The following TMEM63B variants were observed in gnomAD, a reference collection of about 807,000 sequenced individuals.
TMEM63B encodes mechanosensitive cation channel TMEM63B.
In TMEM63B, 23 loss-of-function variants were observed where a neutral mutation model predicts 102.6. The ratio of observed to expected loss-of-function variants is 0.22; its 90% CI spans 0.16 to 0.32. TMEM63B has a LOEUF of 0.32. TMEM63B is among the 10% of genes least tolerant of loss of function. The pLI is 1.00. For synonymous variants in TMEM63B, 444 were observed against 437.0 expected (o/e 1.02, Z -0.20); for missense variants, 628 against 1,095.9 (o/e 0.57, Z 6.03).
chr6:44,135,704 C>T (rs889028366), intron 4 of TMEM63B, among the ~76,000 whole-genome samples: 1 of 152,194 alleles, frequency 6.6e-6, no homozygotes, highest in African/African-American at 2.4e-5. Flanking sequence ...TTGGGTGTCA[C>T]CAGCAGCTTC....
At chr6:44,130,163 C>T (rs1234289037) in intron 1 of TMEM63B, among the ~76,000 whole-genome samples, 5 of 152,192 alleles carry the variant, frequency 3.3e-5, no homozygotes, top group Non-Finnish European at 5.9e-5. Context: ...GGAAGTGGCT[C>T]TTGTTTGCAG....
In TMEM63B at chr6:44,150,512, G is replaced by C; in HGVS notation, c.1608-52G>C. 6.2e-7 allele frequency: 1 copy of C among 1,600,260 alleles called. No individual in the cohort carries two copies. Among genetic ancestry groups the C allele is most frequent in the East Asian group, 2.2e-5 (1 of 44,780 alleles). On this transcript the variant is annotated intron_variant, in intron 17 of 23. Coordinates refer to ENST00000323267, the MANE Select transcript of TMEM63B (RefSeq NM_018426.3). This position sits in a 1 kb window ranked among gnomAD's most constrained non-coding sequence, Gnocchi z 4.7. ...CAGAGGAGGGACTTCCCCTCCCCTG[G>C]TGTTCTGTACCACTCCAGCTCCCAC...
chr6:44,135,020 C>G lies in TMEM63B; in HGVS notation c.163C>G (p.Leu55Val). The change falls in exon 3 of 24, where the codon CTG becomes GTG. Residue 55 changes from leucine to valine, a missense_variant. This residue lies in a region of TMEM63B where 336 missense variants were observed against 580.3 expected (regional missense o/e 0.58). Coordinates refer to ENST00000323267, the MANE Select transcript of TMEM63B (RefSeq NM_018426.3). ...LALDFMCFLA[L>V]LFLFSILRKV... Reference sequence around the variant, plus strand: ...CAACTGCCCCCTCTTCCCTCAGGCACTGCTGTTCTTATTCTCTATCCTCCG... The same window carrying G: ...CAACTGCCCCCTCTTCCCTCAGGCAGTGCTGTTCTTATTCTCTATCCTCCG... 6.2e-7 allele frequency: 1 copy of G among 1,614,250 alleles called. No individual in the cohort carries two copies. Among genetic ancestry groups the G allele is most frequent in the Non-Finnish European group, 8.5e-7 (1 of 1,180,040 alleles).
In TMEM63B at chr6:44,139,540, C is replaced by T. The variant is rs764059807; in HGVS notation, c.481C>T (p.Leu161=). 8 of 1,614,234 alleles carry T rather than the reference C, an allele frequency of 5.0e-6. No individual in the cohort carries two copies. The highest frequency in any genetic ancestry group is 2.5e-6 in the Non-Finnish European group (3 of 1,180,048). ...GTCCTTTCAGCGGCACATCATCGGGCTGCTGGTGGTTGTGGGCGTCCTCTC... is the reference window on the plus strand; with the variant it reads ...GTCCTTTCAGCGGCACATCATCGGGTTGCTGGTGGTTGTGGGCGTCCTCTC... The part of the protein sequence containing the change: ...YLSFQRHIIG[L]LVVVGVLSVG... Residue 161 remains leucine (L), a synonymous_variant, in exon 7 of 24, where the codon CTG becomes TTG. Transcript: ENST00000323267.
Position 44,147,416 on chromosome 6 carries a change from C to G in TMEM63B, c.903C>G (p.Leu301=). 1 of 1,614,180 alleles carries G rather than the reference C, an allele frequency of 6.2e-7. No individual in the cohort carries two copies. The highest frequency in any genetic ancestry group is 2.2e-5 in the East Asian group (1 of 44,884). The stretch of plus-strand genomic sequence containing the variant: ...GGGGAAAGCTGTACTTCACAAACCT[C>G]CAGAGCAAGGAGAACGTGCCTACCA... ...AERGKLYFTN[L]QSKENVPTMI... is the part of the protein sequence containing the mutation. Residue 301 remains leucine, a synonymous_variant, in exon 12 of 24, where the codon CTC becomes CTG. Transcript: ENST00000323267.
At chr6:44,147,176 T>C (rs1315927729) in intron 11 of TMEM63B, among the ~76,000 whole-genome samples, 1 of 152,078 alleles carries the variant, frequency 6.6e-6, no homozygotes, top group Admixed American at 6.6e-5. Context: ...GGCTACAGTA[T>C]GAGAAATTTA....
intron 20 of TMEM63B, among the ~76,000 whole-genome samples, chr6:44,153,343 G>A (rs995845769): frequency 3.3e-5 from 5 of 152,168 alleles, no homozygotes; most frequent in African/African-American, 1.2e-4. Context: ...TCAGCCTCTG[G>A]GGAAATAGAA....
Position 44,150,309 on chromosome 6 carries a change from A to T in TMEM63B, c.1606A>T (p.Ser536Cys), listed in dbSNP as rs1449091333. The T allele has an allele frequency of 6.2e-7, 1 of 1,613,826 alleles. No homozygotes were observed. The highest frequency in any genetic ancestry group is 1.3e-5 in the African/African-American group (1 of 74,918). ...VLLLPSLGLSSLDLFFRWLFD... is the reference protein window; with the variant it reads ...VLLLPSLGLSCLDLFFRWLFD... The stretch of plus-strand genomic sequence containing the variant: ...GCTCCTACCCTCGCTGGGACTGAGC[A>T]GGTGAGTTGAGAAGGATGGGGCAGG... Residue 536 changes from serine to cysteine, a missense_variant and splice_region_variant, in exon 17 of 24, where the codon AGC becomes TGC. This residue lies in a region of TMEM63B where 61 missense variants were observed against 176.0 expected (regional missense o/e 0.35). Coordinates refer to ENST00000323267, the MANE Select transcript of TMEM63B (RefSeq NM_018426.3). The surrounding 1 kb of genome is among the most constrained non-coding windows in gnomAD (Gnocchi z 4.7).
chr6:44,147,064 G>A, intron 11 of TMEM63B, 137 bp downstream of exon 11: 1 of 1,021,554 alleles, frequency 9.8e-7, no homozygotes. Context: ...TGGTGTGCCT[G>A]TTAATTCAGC....
In TMEM63B at chr6:44,152,837, C is replaced by T. The variant is rs1382089447; in HGVS notation, c.1942+139C>T. The T allele has an allele frequency of 1.9e-5, 13 of 685,940 alleles. No homozygotes were observed. Among genetic ancestry groups the T allele is most frequent in the Non-Finnish European group, 3.0e-5 (12 of 404,582 alleles). 42.5% of individuals were successfully genotyped at this position (685,940 alleles called of 1,614,324 possible). The stretch of plus-strand genomic sequence containing the variant: ...GCCCCTCGGGGCTCCCGCCCGGTCC[C>T]TGGCTCAGTCTGGGGCCTGGCCTGT... On this transcript the variant is annotated intron_variant, in intron 20 of 23. Coordinates refer to ENST00000323267, the MANE Select transcript of TMEM63B (RefSeq NM_018426.3). This position sits in a 1 kb window ranked among gnomAD's most constrained non-coding sequence, Gnocchi z 6.4.
chr6:44,154,588 G>A (rs548745572), intron 23 of TMEM63B, 104 bp from the exon 24 acceptor site: 168 of 1,440,212 alleles, frequency 1.2e-4, no homozygotes, highest in Admixed American at 4.6e-4. Context: ...GGCTGCCCCC[G>A]CCCCCCAGGG....
At position 44,150,965 on chromosome 6, in the gene TMEM63B, G is replaced by A. The variant is rs537432506; in HGVS notation, c.1673+336G>A. 1.2e-4 allele frequency among the ~76,000 whole-genome samples: 18 copies of A among 152,242 alleles called. No individual in the cohort carries two copies. The highest frequency in any genetic ancestry group is 3.6e-4 in the African/African-American group (15 of 41,536). On this transcript the variant is annotated intron_variant, in intron 18 of 23. Coordinates refer to ENST00000323267, the MANE Select transcript of TMEM63B (RefSeq NM_018426.3). The surrounding 1 kb of genome is among the most constrained non-coding windows in gnomAD (Gnocchi z 4.7). ...CCATATTCTGGGACTAACTGTGGGC[G>A]TCTCTGGAGTTCCACTTGGGAGGTT...
chr6:44,155,257 T>G lies in TMEM63B; in HGVS notation c.*374T>G. ...TGGGGGGCAGGTGGATCTGGGGCTG[T>G]TCCCCCCCCTCCGTTTTTTCCACCC... On this transcript the variant is annotated 3_prime_UTR_variant, in exon 24 of 24. Transcript: ENST00000323267. The G allele has an allele frequency of 2.6e-5, 4 of 156,250 alleles. No homozygotes were observed. Among genetic ancestry groups the G allele is most frequent in the Non-Finnish European group, 5.6e-5 (4 of 71,082 alleles). 9.7% of individuals were successfully genotyped at this position (156,250 alleles called of 1,614,324 possible).
At chr6:44,130,762 T>G (rs1778106622) in intron 1 of TMEM63B, among the ~76,000 whole-genome samples, 1 of 150,380 alleles carries the variant, frequency 6.6e-6, no homozygotes, top group African/African-American at 2.5e-5. Flanking sequence ...TTTTTTTTTT[T>G]TCCCCTCGAG....
rs146563458 is a variant in TMEM63B at position 44,154,506 on chromosome 6, C to T, written c.2307+61C>T. ...AGACTCAGCCTCAAAGCCCAGTGTT[C>T]CCTTAGTCCTGCAGAAAGGGGAACC... On this transcript the variant is annotated intron_variant, in intron 23 of 23. Transcript: ENST00000323267. The T allele has an allele frequency of 3.1e-6, 5 of 1,597,740 alleles. No homozygotes were observed. In the African/African-American group the frequency reaches 6.7e-5, roughly 21 times the overall value.
intron 1 of TMEM63B, among the ~76,000 whole-genome samples, chr6:44,131,169 C>T (rs1179268939): frequency 4.0e-5 from 6 of 151,676 alleles, no homozygotes; most frequent in Admixed American, 1.3e-4. Context: ...CTGCCCAGCT[C>T]GGCCTCCCAA....
chr6:44,139,664 T>C (rs1213968580), intron 7 of TMEM63B, 44 bp from the exon 8 acceptor site: 4 of 1,614,042 alleles, frequency 2.5e-6, no homozygotes, highest in Non-Finnish European at 2.5e-6. Context: ...GGAGGGGATG[T>C]GCCCTGACCC....
In TMEM63B at chr6:44,150,039, T is replaced by C; in HGVS notation, c.1520+74T>C. On this transcript the variant is annotated intron_variant, in intron 16 of 23. Coordinates refer to ENST00000323267, the MANE Select transcript of TMEM63B (RefSeq NM_018426.3). The surrounding 1 kb of genome is among the most constrained non-coding windows in gnomAD (Gnocchi z 4.7). Reference sequence around the variant, plus strand: ...GACCCATCCTCTCTGGGCAGCACTTTGCCCTTCAGGCTCCTGGCCCTGGGC... The same window carrying C: ...GACCCATCCTCTCTGGGCAGCACTTCGCCCTTCAGGCTCCTGGCCCTGGGC... The C allele has an allele frequency of 6.7e-7, 1 of 1,489,178 alleles. No individual in the cohort carries two copies. Among genetic ancestry groups the C allele is most frequent in the Admixed American group, 1.9e-5 (1 of 53,026 alleles). The allele number at this position is 1,489,178 out of a possible 1,614,324, so 92.2% of individuals were successfully genotyped here. A position where few individuals can be genotyped will look rare whatever the true frequency, so the allele number is the denominator to read the frequency against.
rs923760536 is a variant in TMEM63B at position 44,148,397 on chromosome 6, A to ACTCGGCC, written c.1121+22_1121+28dup. The ACTCGGCC allele has an allele frequency of 6.2e-7, 1 of 1,614,116 alleles. No individual in the cohort carries two copies. The highest frequency in any genetic ancestry group is 8.5e-7 in the Non-Finnish European group (1 of 1,179,982). On this transcript the variant is annotated intron_variant, in intron 13 of 23. Coordinates refer to ENST00000323267, the MANE Select transcript of TMEM63B (RefSeq NM_018426.3). The surrounding 1 kb of genome is among the most constrained non-coding windows in gnomAD (Gnocchi z 5.1). The stretch of plus-strand genomic sequence containing the variant: ...ACTATCACCGCCATGTGAGTCCCCA[A>ACTCGGCC]CTCGGCCCTCGGCCCTGAGCAGCCC...
Sources: allele counts gnomAD v4.1 joint callset (sites outside exome capture counted in the v4.1 genomes callset), GRCh38; gene constraint gnomAD v4.1.1; regional missense constraint gnomAD v4.1.1; non-coding constraint Gnocchi (gnomAD v3.1); transcripts MANE v1.5; gene names NCBI Gene and HGNC (gene_info 2026-07-23, HGNC 2026-07-21).